The following NR5A1 variants were observed in gnomAD, a reference collection of about 807,000 sequenced individuals.
The protein encoded by NR5A1 is nuclear receptor subfamily 5 group A member 1.
NR5A1 carries 6 observed loss-of-function variants against 42.7 expected under a neutral mutation model. That is an observed-to-expected ratio of 0.14 (90% confidence interval 0.08 to 0.28). The LOEUF is 0.28. Among genes scored for constraint, NR5A1 ranks in the 10% least tolerant of loss-of-function variants. NR5A1 has a pLI of 1.00. For missense variants in NR5A1, 442 were observed against 626.4 expected (o/e 0.71, Z 3.14); for synonymous variants, 274 against 277.5 (o/e 0.99, Z 0.12).
Position 124,493,001 on chromosome 9 carries a change from C to T in NR5A1, c.990+29G>A, listed in dbSNP as rs373031765. 24 of 1,556,756 alleles carry T rather than the reference C, an allele frequency of 1.5e-5. No homozygotes were observed. In the African/African-American group the frequency reaches 2.3e-4, roughly 15 times the overall value. On this transcript the variant is annotated intron_variant, in intron 5 of 6. Coordinates refer to ENST00000373588, the MANE Select transcript of NR5A1 (RefSeq NM_004959.5). ...AGTGCACAGCGGGGCCAGGGCGGGG[C>T]CCAGGGGCGGGGCCGAGGGACTGGT... is the stretch of plus-strand genomic sequence containing the variant.
intron 1 of NR5A1, among the ~76,000 whole-genome samples, chr9:124,505,515 G>A (rs995716947): frequency 2.0e-5 from 3 of 152,238 alleles, no homozygotes; most frequent in Admixed American, 2.0e-4. Context: ...GCTAAGGGTG[G>A]GTCGTGAGGA....
At chr9:124,492,741 G>T (rs1326917069) in intron 5 of NR5A1, among the ~76,000 whole-genome samples, 3 of 152,128 alleles carry the variant, frequency 2.0e-5, no homozygotes, top group East Asian at 3.9e-4. Flanking sequence ...CAGACCCAGG[G>T]CCACCATCAC....
intron 1 of NR5A1, among the ~76,000 whole-genome samples, chr9:124,506,369 G>A (rs1177943200): frequency 2.6e-5 from 4 of 152,114 alleles, no homozygotes; most frequent in South Asian, 4.1e-4. Flanking sequence ...CGTACCCCCC[G>A]CACCCCCAAA....
At chr9:124,504,854 G>A (rs1832528077) in intron 1 of NR5A1, among the ~76,000 whole-genome samples, 2 of 146,044 alleles carry the variant, frequency 1.4e-5, no homozygotes, top group Non-Finnish European at 3.0e-5. Context: ...GCGGCGCGGG[G>A]GCCTCGGCTC....
At position 124,497,911 on chromosome 9, in the gene NR5A1, C is replaced by T. The variant is rs567781630; in HGVS notation, c.870+2179G>A. On this transcript the variant is annotated intron_variant, in intron 4 of 6. Coordinates refer to ENST00000373588, the MANE Select transcript of NR5A1 (RefSeq NM_004959.5). ...CGACTTCCTTAGTTAGAGCTGTTTG[C>T]TCTCCCCCCAGGGTCCCCTCTGCCC... Among the ~76,000 whole-genome samples, 3 of 152,350 alleles carry T rather than the reference C, an allele frequency of 2.0e-5. No homozygotes were observed. In the South Asian group the frequency reaches 6.2e-4, roughly 32 times the overall value.
chr9:124,485,527 T>C (rs1264612368), intron 6 of NR5A1, among the ~76,000 whole-genome samples: 1 of 152,072 alleles, frequency 6.6e-6, no homozygotes, highest in African/African-American at 2.4e-5. Context: ...GCCTCCATCC[T>C]CCCAGCCCAG....
At chr9:124,492,503 CCATT>C (rs151199008) in intron 5 of NR5A1, among the ~76,000 whole-genome samples, 2,279 of 152,082 alleles carry the variant, frequency 0.015, 21 homozygotes, top group African/African-American at 0.027. Flanking sequence ...AGCCCTTTGC[CCATT>C]CATTCATTCA....
At chr9:124,485,702 T>A (rs2131271791) in intron 6 of NR5A1, among the ~76,000 whole-genome samples, 1 of 152,338 alleles carries the variant, frequency 6.6e-6, no homozygotes, top group African/African-American at 2.4e-5. Context: ...CTGGCCCAGG[T>A]GCTCTTGTGC....
intron 1 of NR5A1, 105 bp downstream of exon 1, chr9:124,507,144 G>A (rs1832574721): frequency 6.6e-6 from 1 of 152,446 alleles, no homozygotes. Flanking sequence ...CCAGAGCAGG[G>A]GGCACCGGTC....
chr9:124,486,250 G>A (rs1224122322), intron 6 of NR5A1, among the ~76,000 whole-genome samples: 6 of 152,164 alleles, frequency 3.9e-5, no homozygotes, highest in Non-Finnish European at 8.8e-5. Flanking sequence ...AAGCACAGTC[G>A]CTAACGGAGC....
intron 6 of NR5A1, among the ~76,000 whole-genome samples, chr9:124,489,995 C>T (rs1184579955): frequency 2.6e-5 from 4 of 152,170 alleles, no homozygotes; most frequent in Non-Finnish European, 5.9e-5. Context: ...CTCCCCACTC[C>T]TCCCTCTCTC....
At chr9:124,484,812 G>A (rs1438589533) in intron 6 of NR5A1, among the ~76,000 whole-genome samples, 1 of 152,022 alleles carries the variant, frequency 6.6e-6, no homozygotes, top group Non-Finnish European at 1.5e-5. Context: ...GACGTGCCAT[G>A]GGAAGACAGG....
chr9:124,487,403 G>A (rs1338844455), intron 6 of NR5A1, among the ~76,000 whole-genome samples: 2 of 152,258 alleles, frequency 1.3e-5, no homozygotes, highest in African/African-American at 4.8e-5. Context: ...CTCAATGGAA[G>A]TCAGGAAATC....
At chr9:124,493,446 G>A (rs924272992) in intron 4 of NR5A1, among the ~76,000 whole-genome samples, 3 of 152,206 alleles carry the variant, frequency 2.0e-5, no homozygotes, top group South Asian at 2.1e-4. Flanking sequence ...TGTAAAGTGG[G>A]CAAAGTACTG....
chr9:124,505,086 G>C (rs1210975825), intron 1 of NR5A1, among the ~76,000 whole-genome samples: 3 of 151,922 alleles, frequency 2.0e-5, no homozygotes, highest in Admixed American at 1.3e-4. Context: ...GGCCCGCGCC[G>C]GCACCCTCTC....
Position 124,482,574 on chromosome 9 carries a change from A to C in NR5A1, c.*184T>G. 1.5e-6 allele frequency: 1 copy of C among 681,982 alleles called. No individual in the cohort carries two copies. The highest frequency in any genetic ancestry group is 2.3e-6 in the Non-Finnish European group (1 of 431,266). 42.2% of individuals were successfully genotyped at this position (681,982 alleles called of 1,614,324 possible). On this transcript the variant is annotated 3_prime_UTR_variant, in exon 7 of 7. Transcript: ENST00000373588. ...ACTCCACCTCCGCCAGGCCCTGCCC[A>C]GCCTCACCCACCTTCCCAAACACAC...
chr9:124,481,939 G>C lies in NR5A1; in HGVS notation c.*819C>G, dbSNP rs1832131965. The C allele has an allele frequency of 6.6e-6, 1 of 152,268 alleles. No individual in the cohort carries two copies. Among genetic ancestry groups the C allele is most frequent in the South Asian group, 2.1e-4 (1 of 4,836 alleles). The allele number at this position is 152,268 out of a possible 1,614,324, so 9.4% of individuals were successfully genotyped here. On this transcript the variant is annotated 3_prime_UTR_variant, in exon 7 of 7. Transcript: ENST00000373588. Reference sequence around the variant, plus strand: ...TCCCTCCATCACACACACATTTCAAGGAGTGTCTAGAAGCTTAAAAACAAA... The same window carrying C: ...TCCCTCCATCACACACACATTTCAACGAGTGTCTAGAAGCTTAAAAACAAA...
At chr9:124,499,527 A>G (rs1588621450) in intron 4 of NR5A1, among the ~76,000 whole-genome samples, 1 of 152,154 alleles carries the variant, frequency 6.6e-6, no homozygotes, top group East Asian at 1.9e-4. Context: ...AATGGCCCAC[A>G]AATGCCCCAA....
At chr9:124,499,122 A>G (rs766856296) in intron 4 of NR5A1, among the ~76,000 whole-genome samples, 39 of 152,194 alleles carry the variant, frequency 2.6e-4, no homozygotes, top group Non-Finnish European at 3.5e-4. Flanking sequence ...TGGGTGAAAG[A>G]GTGCCTGAAC....
Sources: allele counts gnomAD v4.1 joint callset (sites outside exome capture counted in the v4.1 genomes callset), GRCh38; gene constraint gnomAD v4.1.1; transcripts MANE v1.5; gene names NCBI Gene and HGNC (gene_info 2026-07-23, HGNC 2026-07-21).